RBPJ: variants seen among roughly 807,000 people sequenced by gnomAD.
RBPJ encodes the protein recombination signal binding protein for immunoglobulin kappa J region.
RBPJ carries 9 observed loss-of-function variants against 67.8 expected under a neutral mutation model. That is an observed-to-expected ratio of 0.13 (90% CI 0.08 to 0.23). The LOEUF (loss-of-function observed/expected upper bound fraction) is 0.23. Among genes scored for constraint, RBPJ ranks in the 10% least tolerant of loss-of-function variants. The probability of loss-of-function intolerance (pLI) is 1.00; values close to 1 mark genes in which losing one functional copy is unlikely to be tolerated. For synonymous variants in RBPJ, 198 were observed against 203.3 expected (o/e 0.97, Z 0.22); for missense variants, 305 against 595.6 (o/e 0.51, Z 5.08).
At chr4:26,172,076 C>G (rs144784662) in intron 1 of RBPJ, among the ~76,000 whole-genome samples, 2 of 152,280 alleles carry the variant, frequency 1.3e-5, no homozygotes, top group East Asian at 1.9e-4. Context: ...AAATCCACAT[C>G]GTCAAGCTCC....
the RBPJ span, among the ~76,000 whole-genome samples, chr4:26,140,177 C>T: frequency 2.6e-5 from 4 of 152,276 alleles, no homozygotes; most frequent in East Asian, 7.8e-4. Context: ...TTTGCTAATA[C>T]TGTTACCACA....
chr4:26,186,192 TAAAAAAAAAAAA>T (rs528707678), intron 1 of RBPJ, among the ~76,000 whole-genome samples: 3 of 117,068 alleles, frequency 2.6e-5, no homozygotes, highest in Admixed American at 1.9e-4. Flanking sequence ...CCCTTTTTTT[TAAAAAAAAAAAA>T]AAAAAAAAAA....
rs1314303075 is a variant in RBPJ at position 26,367,248 on chromosome 4, C to A, written c.21-19105C>A. 9.9e-5 allele frequency among the ~76,000 whole-genome samples: 15 copies of A among 151,964 alleles called. 1 individual carries two copies. Among genetic ancestry groups the A allele is most frequent in the African/African-American group, 3.6e-4 (15 of 41,364 alleles). ...CTGTAATCCCAGCACTTTGGGAAGC[C>A]GAGGTGGGCAGACCACCTGGGGTCA... On this transcript the variant is annotated intron_variant, in intron 1 of 10. Transcript: ENST00000355476.
At chr4:26,357,290 T>C (rs1389103620) in intron 1 of RBPJ, among the ~76,000 whole-genome samples, 10 of 152,140 alleles carry the variant, frequency 6.6e-5, no homozygotes, top group Admixed American at 4.6e-4. Context: ...AAGAACTTAA[T>C]GAAGGCCGAG....
At chr4:26,300,425 A>G (rs781150876) in intron 1 of RBPJ, among the ~76,000 whole-genome samples, 12 of 152,252 alleles carry the variant, frequency 7.9e-5, no homozygotes, top group Non-Finnish European at 1.3e-4. Flanking sequence ...GTATCTACAT[A>G]GTGCTAGAGC....
intron 1 of RBPJ, among the ~76,000 whole-genome samples, chr4:26,343,736 C>CTTTTTTTTT (rs1172127871): frequency 1.3e-5 from 1 of 74,500 alleles, no homozygotes; most frequent in African/African-American, 5.7e-5. Flanking sequence ...TTCTTTCTTT[C>CTTTTTTTTT]TTCTTTTTTT....
At chr4:26,263,836 C>T (rs1278885012) in intron 1 of RBPJ, among the ~76,000 whole-genome samples, 1 of 151,702 alleles carries the variant, frequency 6.6e-6, no homozygotes, top group African/African-American at 2.4e-5. Flanking sequence ...TCCCAAAGTG[C>T]TGGGATTACA....
At chr4:26,417,283 G>T (rs1734688089) in intron 4 of RBPJ, among the ~76,000 whole-genome samples, 1 of 152,180 alleles carries the variant, frequency 6.6e-6, no homozygotes, top group Non-Finnish European at 1.5e-5. Context: ...AAACCAACCA[G>T]TAGTATCACT....
In RBPJ at chr4:26,402,647, C is replaced by T. The variant is rs73121189; in HGVS notation, c.60-3528C>T. Among the ~76,000 whole-genome samples, 780 of 152,298 alleles carry T rather than the reference C, an allele frequency of 5.1e-3. 4 individuals carry two copies. Among genetic ancestry groups the T allele is most frequent in the African/African-American group, 0.018 (734 of 41,566 alleles). ...CTTCTTTCGAGGTTGTGTCTTTCTG[C>T]AGCACCTGAGGCTGGTTTCAGTTCT... On this transcript the variant is annotated intron_variant, in intron 2 of 10. Coordinates refer to ENST00000355476, the MANE Select transcript of RBPJ (RefSeq NM_015874.6).
At chr4:26,250,414 C>G (rs1366920992) in intron 1 of RBPJ, among the ~76,000 whole-genome samples, 5 of 149,768 alleles carry the variant, frequency 3.3e-5, no homozygotes, top group African/African-American at 1.2e-4. Context: ...TTACTGTAAC[C>G]TCCTTCTCCT....
chr4:26,351,306 T>G (rs1016492575), intron 1 of RBPJ, among the ~76,000 whole-genome samples: 4 of 152,156 alleles, frequency 2.6e-5, no homozygotes, highest in Non-Finnish European at 4.4e-5. Flanking sequence ...AAGGCAAATA[T>G]TCATACTAAC....
rs190199461 is a variant in RBPJ at position 26,342,213 on chromosome 4, G to A, written c.20+21165G>A. Reference sequence around the variant, plus strand: ...ACTGCTCTGTATCAAAAGGAGGGAAGACAGAAAAGATGAGTATATACATTA... The same window carrying A: ...ACTGCTCTGTATCAAAAGGAGGGAAAACAGAAAAGATGAGTATATACATTA... On this transcript the variant is annotated intron_variant, in intron 1 of 10. Coordinates refer to ENST00000355476, the MANE Select transcript of RBPJ (RefSeq NM_015874.6). Among the ~76,000 whole-genome samples the A allele has an allele frequency of 6.4e-4, 91 of 141,422 alleles. 2 individuals are homozygous for A. Among genetic ancestry groups the A allele is most frequent in the Admixed American group, 6.4e-3 (83 of 12,986 alleles). The allele number at this position is 141,422 out of a possible 152,430, so 92.8% of individuals were successfully genotyped here.
chr4:26,319,026 C>T (rs1048460262), upstream of RBPJ, among the ~76,000 whole-genome samples: 1 of 146,648 alleles, frequency 6.8e-6, no homozygotes, highest in Non-Finnish European at 1.5e-5. Context: ...AAAAAAGAAA[C>T]CAATTGCTAA....
At chr4:26,268,804 A>C (rs567248328) in intron 1 of RBPJ, among the ~76,000 whole-genome samples, 4 of 152,178 alleles carry the variant, frequency 2.6e-5, no homozygotes, top group Non-Finnish European at 5.9e-5. Flanking sequence ...CCCCAAGTCC[A>C]CTTCATCATT....
chr4:26,416,327 T>C (rs1314414609), intron 4 of RBPJ, among the ~76,000 whole-genome samples: 1 of 152,232 alleles, frequency 6.6e-6, no homozygotes, highest in Non-Finnish European at 1.5e-5. Flanking sequence ...TAGTGCAATC[T>C]TGGCTGACTG....
chr4:26,432,843 T>A lies in RBPJ; in HGVS notation c.*1836T>A, dbSNP rs1195475155. The A allele has an allele frequency of 6.6e-6, 1 of 152,234 alleles. No homozygotes were observed. Among genetic ancestry groups the A allele is most frequent in the Non-Finnish European group, 1.5e-5 (1 of 68,044 alleles). 9.4% of individuals were successfully genotyped at this position (152,234 alleles called of 1,614,324 possible). On this transcript the variant is annotated 3_prime_UTR_variant, in exon 11 of 11. Coordinates refer to ENST00000355476, the MANE Select transcript of RBPJ (RefSeq NM_015874.6). ...TGTCCTGGGCTGTTTTGAAAAAGTT[T>A]CCATTAATAGACTTTTTAGAAATTA...
intron 1 of RBPJ, among the ~76,000 whole-genome samples, chr4:26,234,614 C>T (rs984768028): frequency 2.0e-5 from 3 of 152,126 alleles, no homozygotes; most frequent in South Asian, 2.1e-4. Flanking sequence ...CTCTGTCCCC[C>T]GTTCCTGTTT....
At chr4:26,203,491 TA>T (rs1718062624) in intron 1 of RBPJ, among the ~76,000 whole-genome samples, 1 of 152,190 alleles carries the variant, frequency 6.6e-6, no homozygotes, top group South Asian at 2.1e-4. Flanking sequence ...TGATCTGTCA[TA>T]AATTTATTTA....
chr4:26,316,827 CTTTTTTTTTT>C (rs56130072), upstream of RBPJ, among the ~76,000 whole-genome samples: 2 of 71,396 alleles, frequency 2.8e-5, no homozygotes, highest in African/African-American at 5.6e-5. Context: ...ACCCAGACGA[CTTTTTTTTTT>C]TTTTTTTTTT....
Sources: allele counts gnomAD v4.1 joint callset (sites outside exome capture counted in the v4.1 genomes callset), GRCh38; gene constraint gnomAD v4.1.1; transcripts MANE v1.5; gene names NCBI Gene and HGNC (gene_info 2026-07-23, HGNC 2026-07-21).